SYNPO2: variants seen among roughly 807,000 people sequenced by gnomAD.
The protein encoded by SYNPO2 is synaptopodin-2.
Under a neutral mutation model 85.0 loss-of-function variants are expected in SYNPO2, and 56 were observed. The observed-to-expected ratio is 0.66, with a 90% confidence interval of 0.53 to 0.82. The LOEUF (loss-of-function observed/expected upper bound fraction) is 0.82. Among genes scored for constraint, SYNPO2 ranks in the 40% least tolerant of loss-of-function variants. The pLI, the probability that SYNPO2 is intolerant of heterozygous loss-of-function variation, is 0.00. For synonymous variants in SYNPO2, 602 were observed against 591.1 expected (o/e 1.02, Z -0.27); for missense variants, 1,575 against 1,534.2 (o/e 1.03, Z -0.44).
At chr4:118,963,919 T>C (rs891197512) in intron 1 of SYNPO2, among the ~76,000 whole-genome samples, 1 of 152,206 alleles carries the variant, frequency 6.6e-6, no homozygotes, top group Non-Finnish European at 1.5e-5. Context: ...GGATACAGTC[T>C]GTCCTCGAAA....
In SYNPO2 at chr4:118,923,412, G is replaced by T. The variant is rs115613850; in HGVS notation, c.105+34271G>T. 4.9e-3 allele frequency among the ~76,000 whole-genome samples: 746 copies of T among 152,122 alleles called. 6 individuals are homozygous for T. Among genetic ancestry groups the T allele is most frequent in the African/African-American group, 0.016 (659 of 41,520 alleles). ...CTATTTGAGGATGGATTGGGGAGGA[G>T]AGAGAGAATCAAAAAACTACCTACC... On this transcript the variant is annotated intron_variant, in intron 1 of 4. Transcript: ENST00000307142.
At chr4:118,937,459 C>A (rs1734147851) in intron 1 of SYNPO2, among the ~76,000 whole-genome samples, 1 of 152,070 alleles carries the variant, frequency 6.6e-6, no homozygotes, top group South Asian at 2.1e-4. Context: ...GTTATATTCT[C>A]CAAAAATATC....
chr4:119,049,481 G>T (rs1410996945), intron 4 of SYNPO2, among the ~76,000 whole-genome samples: 1 of 152,168 alleles, frequency 6.6e-6, no homozygotes, highest in Admixed American at 6.5e-5. Context: ...TCAGCCAAGA[G>T]AATTGTATCA....
At chr4:118,854,066 T>A (rs2110561292) in intron 1 of SYNPO2, among the ~76,000 whole-genome samples, 1 of 152,320 alleles carries the variant, frequency 6.6e-6, no homozygotes. Flanking sequence ...AAAAATTAAG[T>A]ACTGAGTTTC....
rs1032576541 is a variant in SYNPO2, at chr4:119,058,443, G to C, written c.*509G>C. ...TTACTTTATAAAAATATTTTCCTTG[G>C]TGTTAAGTATTTCTCTGCAACTTTT... is the stretch of plus-strand genomic sequence containing the variant. On this transcript the variant is annotated 3_prime_UTR_variant, in exon 5 of 5. Coordinates refer to ENST00000307142, the MANE Select transcript of SYNPO2 (RefSeq NM_133477.3). 9 of 144,288 alleles carry C rather than the reference G, an allele frequency of 6.2e-5. No homozygotes were observed. The highest frequency in any genetic ancestry group is 2.0e-4 in the African/African-American group (8 of 39,496). The allele number at this position is 144,288 out of a possible 1,614,324, so 8.9% of individuals were successfully genotyped here. A position where few individuals can be genotyped will look rare whatever the true frequency, so the allele number is the denominator to read the frequency against.
At position 119,059,779 on chromosome 4, in the gene SYNPO2, T is replaced by C. The variant is rs201846030; in HGVS notation, c.*1845T>C. The stretch of plus-strand genomic sequence containing the variant: ...AAAGTAAAGAAATCACAGTAAGTTC[T>C]ATTAGTGATGATAGAACCAGATATA... On this transcript the variant is annotated 3_prime_UTR_variant, in exon 5 of 5. Transcript: ENST00000307142. 7 of 152,194 alleles carry C rather than the reference T, an allele frequency of 4.6e-5. No individual in the cohort carries two copies. The East Asian group carries it at 9.6e-4, about 21-fold the overall frequency. 9.4% of individuals were successfully genotyped at this position (152,194 alleles called of 1,614,324 possible).
intron 1 of SYNPO2, among the ~76,000 whole-genome samples, chr4:118,893,031 G>A (rs1197045008): frequency 2.0e-5 from 3 of 151,998 alleles, no homozygotes; most frequent in Non-Finnish European, 4.4e-5. Flanking sequence ...TTCTAAAGGG[G>A]GAAAAAGATT....
chr4:119,026,840 A>G lies in SYNPO2; in HGVS notation c.471A>G (p.Lys157=), dbSNP rs1737973094. The change falls in exon 3 of 5, where the codon AAA becomes AAG. Residue 157 remains lysine, a synonymous_variant. Coordinates refer to ENST00000307142, the MANE Select transcript of SYNPO2 (RefSeq NM_133477.3). ...GTCCCGACTGTGCAGGCAGCTTGAA[A>G]GAAGAAACAGGCCCGAGCTACCAAA... ...RSGPDCAGSL[K]EETGPSYQRA... is the part of the protein sequence containing the mutation. The G allele has an allele frequency of 6.2e-7, 1 of 1,614,008 alleles. No homozygotes were observed. The highest frequency in any genetic ancestry group is 1.3e-5 in the African/African-American group (1 of 74,926).
chr4:118,866,070 C>T, intron 1 of SYNPO2, among the ~76,000 whole-genome samples: 1 of 152,160 alleles, frequency 6.6e-6, no homozygotes, highest in Non-Finnish European at 1.5e-5. Context: ...GAGAAAACAT[C>T]TGAGCCAAAG....
At position 118,958,393 on chromosome 4, in the gene SYNPO2, T is replaced by G. The variant is rs114476573; in HGVS notation, c.106-65037T>G. ...CTTATTTCGTGTATGAAATATGCAT[T>G]TCTTCAGCTTTGTACACCAAGTTAA... On this transcript the variant is annotated intron_variant, in intron 1 of 4. Transcript: ENST00000307142. 5.6e-3 allele frequency among the ~76,000 whole-genome samples: 854 copies of G among 152,294 alleles called. 9 individuals are homozygous for G. Among genetic ancestry groups the G allele is most frequent in the African/African-American group, 0.02 (821 of 41,576 alleles).
At chr4:118,871,406 T>C (rs1731796926) in intron 1 of SYNPO2, among the ~76,000 whole-genome samples, 1 of 152,016 alleles carries the variant, frequency 6.6e-6, no homozygotes, top group African/African-American at 2.4e-5. Flanking sequence ...ATCACATCTT[T>C]ATTTTTCTTC....
chr4:118,967,639 C>T (rs1384634760), intron 1 of SYNPO2, among the ~76,000 whole-genome samples: 1 of 152,176 alleles, frequency 6.6e-6, no homozygotes, highest in African/African-American at 2.4e-5. Context: ...CTTGGGGAAA[C>T]GGGTATAGCA....
At chr4:118,940,134 C>G (rs912197277) in intron 1 of SYNPO2, among the ~76,000 whole-genome samples, 1 of 151,834 alleles carries the variant, frequency 6.6e-6, no homozygotes, top group South Asian at 2.1e-4. Flanking sequence ...CACAGGTACA[C>G]GCCACCAAGC....
chr4:119,045,938 G>T (rs1024855397), intron 4 of SYNPO2, among the ~76,000 whole-genome samples: 1 of 152,088 alleles, frequency 6.6e-6, no homozygotes, highest in African/African-American at 2.4e-5. Context: ...CAGAGTTAAT[G>T]CCTTAACATA....
chr4:118,985,133 C>T (rs761590125), intron 1 of SYNPO2, among the ~76,000 whole-genome samples: 1 of 152,166 alleles, frequency 6.6e-6, no homozygotes, highest in Non-Finnish European at 1.5e-5. Context: ...ATACGTATCC[C>T]AAGTGCTCCT....
At chr4:118,984,836 A>G (rs768151923) in intron 1 of SYNPO2, among the ~76,000 whole-genome samples, 4 of 152,160 alleles carry the variant, frequency 2.6e-5, no homozygotes, top group Non-Finnish European at 4.4e-5. Flanking sequence ...AATGCATTTC[A>G]CATGATGGAT....
intron 2 of SYNPO2, among the ~76,000 whole-genome samples, chr4:119,025,333 T>A (rs1346590520): frequency 6.6e-6 from 1 of 152,230 alleles, no homozygotes; most frequent in East Asian, 1.9e-4. Flanking sequence ...ATTTAACATT[T>A]TCTACATAAT....
At position 118,875,646 on chromosome 4, in the gene SYNPO2, G is replaced by T. The variant is rs574840279; in HGVS notation, c.12+24706G>T. ...ATTTGACTACACCTTAATAAGAGAT[G>T]AATCCTTCACTGACATTTTTTATTT... On this transcript the variant is annotated intron_variant, in intron 1 of 4. Transcript: ENST00000610556. Among the ~76,000 whole-genome samples, 4 of 152,322 alleles carry T rather than the reference G, an allele frequency of 2.6e-5. No homozygotes were observed. In the South Asian group the frequency reaches 8.3e-4, roughly 32 times the overall value.
chr4:118,883,721 T>TTG (rs1233278218), intron 1 of SYNPO2, among the ~76,000 whole-genome samples: 1 of 151,866 alleles, frequency 6.6e-6, no homozygotes, highest in African/African-American at 2.4e-5. Context: ...TTCTTTTTTT[T>TTG]TTCTCTTGCT....
Sources: gnomAD v4.1 joint callset for allele counts (sites outside exome capture counted in the v4.1 genomes callset) on GRCh38, gnomAD v4.1.1 for gene constraint, MANE v1.5 for transcripts, NCBI Gene and HGNC (gene_info 2026-07-23, HGNC 2026-07-21) for gene names.